Variants in SYN2 observed in about 807,000 individuals in gnomAD.
SYN2 encodes synapsin II.
Under a neutral mutation model 50.9 loss-of-function variants are expected in SYN2, and 19 were observed. The observed-to-expected ratio is 0.37, with a 90% confidence interval of 0.26 to 0.55. The LOEUF is 0.55. SYN2 is among the 20% of genes least tolerant of loss of function. The probability of loss-of-function intolerance (pLI) is 0.81; values close to 1 mark genes in which losing one functional copy is unlikely to be tolerated. For missense variants in SYN2, 587 were observed against 576.4 expected, an observed-to-expected ratio of 1.02 and a Z score of -0.19; for synonymous variants, 255 against 224.9, an observed-to-expected ratio of 1.13 and a Z score of -1.20.
At chr3:12,012,435 A>T (rs1288416493) in intron 1 of SYN2, among the ~76,000 whole-genome samples, 1 of 152,222 alleles carries the variant, frequency 6.6e-6, no homozygotes, top group Non-Finnish European at 1.5e-5. Context: ...TAAGCAAAAC[A>T]AAAGCATTCA....
rs563170766 is a variant in SYN2, at chr3:12,028,385, A to G, written c.377+23457A>G. On this transcript the variant is annotated intron_variant, in intron 1 of 12. Transcript: ENST00000621198. ...GCATGATTTATAGTCATTTGGGTAT[A>G]TACCCAGTAATGGGATGGCTGGGTC... 6.1e-4 allele frequency among the ~76,000 whole-genome samples: 90 copies of G among 147,876 alleles called. 1 individual carries two copies. In the South Asian group the frequency reaches 0.019, roughly 32 times the overall value.
intron 1 of SYN2, among the ~76,000 whole-genome samples, chr3:12,120,791 C>A (rs1425574135): frequency 6.6e-6 from 1 of 152,120 alleles, no homozygotes; most frequent in Non-Finnish European, 1.5e-5. Flanking sequence ...TATTTTATTT[C>A]CCAGTGTCTC....
rs1696993622 is a variant in SYN2 at position 12,140,585 on chromosome 3, A to G, written c.378-66A>G. ...GTCTGCTGTGGTCCTCTTCTTTGTAATAGTAAATGTCTGACTTTAAATACT... is the reference window on the plus strand; with the variant it reads ...GTCTGCTGTGGTCCTCTTCTTTGTAGTAGTAAATGTCTGACTTTAAATACT... On this transcript the variant is annotated intron_variant, in intron 1 of 12. Coordinates refer to ENST00000621198, the MANE Select transcript of SYN2 (RefSeq NM_133625.6). 3 of 719,006 alleles carry G rather than the reference A, an allele frequency of 4.2e-6. No individual in the cohort carries two copies. In the Admixed American group the frequency reaches 6.0e-5, roughly 14 times the overall value. The allele number at this position is 719,006 out of a possible 1,614,324, so 44.5% of individuals were successfully genotyped here.
chr3:12,083,553 G>A (rs759471232), intron 1 of SYN2, among the ~76,000 whole-genome samples: 9 of 152,210 alleles, frequency 5.9e-5, no homozygotes, highest in Non-Finnish European at 8.8e-5. Flanking sequence ...GACTTGGAAA[G>A]TCTTCAGGGT....
intron 1 of SYN2, among the ~76,000 whole-genome samples, chr3:12,019,586 G>A (rs1694088866): frequency 6.6e-6 from 1 of 152,124 alleles, no homozygotes; most frequent in African/African-American, 2.4e-5. Flanking sequence ...TTTTCCTGTA[G>A]CCTCCAGATA....
intron 1 of SYN2, among the ~76,000 whole-genome samples, chr3:12,087,657 G>A (rs912117693): frequency 2.6e-5 from 4 of 152,022 alleles, no homozygotes; most frequent in African/African-American, 9.7e-5. Context: ...GGAGGTTGAG[G>A]CGGGAGGATC....
chr3:12,186,183 G>A (rs979375440), intron 11 of SYN2, among the ~76,000 whole-genome samples: 1 of 150,746 alleles, frequency 6.6e-6, no homozygotes, highest in Non-Finnish European at 1.5e-5. Context: ...CTGAGTTTCT[G>A]TAAGTCCACT....
At chr3:12,088,868 G>C (rs1243166622) in intron 1 of SYN2, among the ~76,000 whole-genome samples, 1 of 152,144 alleles carries the variant, frequency 6.6e-6, no homozygotes, top group Non-Finnish European at 1.5e-5. Flanking sequence ...ATGATGACTA[G>C]GGGAAGTGGT....
chr3:12,035,073 G>A (rs1044311206), intron 1 of SYN2, among the ~76,000 whole-genome samples: 2 of 152,172 alleles, frequency 1.3e-5, no homozygotes, highest in African/African-American at 4.8e-5. Context: ...TAGGATAGAC[G>A]TTCCTATTAC....
chr3:12,026,073 T>G (rs1694252297), intron 1 of SYN2, among the ~76,000 whole-genome samples: 1 of 152,210 alleles, frequency 6.6e-6, no homozygotes, highest in Non-Finnish European at 1.5e-5. Flanking sequence ...TTTCCTTGTC[T>G]TGGCCCAGAT....
Position 12,145,777 on chromosome 3 carries a change from G to A in SYN2, c.626G>A (p.Gly209Asp). Residue 209 changes from glycine to aspartate, a missense_variant, in exon 4 of 13, where the codon GGC (glycine) becomes GAC (aspartate). Gly to Asp is a moderately conservative substitution (Grantham distance 94, BLOSUM62 -1). Transcript: ENST00000621198. ...RHLIIGMQYA[G>D]LPSINSLESI... ...CTGATCATTGGTATGCAGTATGCAG[G>A]CCTCCCCAGCATCAACTCACTGGAA... 2 of 1,614,002 alleles carry A rather than the reference G, an allele frequency of 1.2e-6. No homozygotes were observed. The highest frequency in any genetic ancestry group is 1.7e-6 in the Non-Finnish European group (2 of 1,179,886).
intron 7 of SYN2, among the ~76,000 whole-genome samples, chr3:12,166,125 G>T (rs1054092999): frequency 2.0e-5 from 3 of 152,094 alleles, no homozygotes; most frequent in Non-Finnish European, 4.4e-5. Context: ...TTAACTCATG[G>T]GGCCACCTCG....
chr3:12,093,469 C>T (rs1695869783), intron 1 of SYN2, among the ~76,000 whole-genome samples: 1 of 152,178 alleles, frequency 6.6e-6, no homozygotes, highest in South Asian at 2.1e-4. Context: ...GGGTCAGAGT[C>T]TGGGGCTTGT....
chr3:12,168,829 T>A (rs1697870604), intron 9 of SYN2, among the ~76,000 whole-genome samples: 1 of 138,894 alleles, frequency 7.2e-6, no homozygotes, highest in South Asian at 2.5e-4. Flanking sequence ...TGAATCAGTG[T>A]CTCAGCTGGG....
chr3:12,183,176 C>A, intron 10 of SYN2, 136 bp from the exon 11 acceptor site: 1 of 1,236,138 alleles, frequency 8.1e-7, no homozygotes, highest in Non-Finnish European at 1.1e-6. Flanking sequence ...GCAGCAGAAG[C>A]CTATGGCCAG....
At chr3:12,060,325 A>G (rs1297860797) in intron 1 of SYN2, among the ~76,000 whole-genome samples, 1 of 152,156 alleles carries the variant, frequency 6.6e-6, no homozygotes, top group Non-Finnish European at 1.5e-5. Context: ...ACCATTGTGA[A>G]ATACACCCGG....
intron 5 of SYN2, chr3:12,154,187 G>T: frequency 7.8e-7 from 1 of 1,288,996 alleles, no homozygotes. Flanking sequence ...AGGGCCTATA[G>T]ACTGTATTGC....
At chr3:12,168,965 G>A (rs1470599630) in intron 9 of SYN2, among the ~76,000 whole-genome samples, 1 of 152,204 alleles carries the variant, frequency 6.6e-6, no homozygotes, top group Non-Finnish European at 1.5e-5. Flanking sequence ...GTGGCAGTAT[G>A]AATCCTTCAC....
At chr3:12,059,367 A>T (rs1044881722) in intron 1 of SYN2, among the ~76,000 whole-genome samples, 1 of 152,014 alleles carries the variant, frequency 6.6e-6, no homozygotes, top group Non-Finnish European at 1.5e-5. Flanking sequence ...TCATAGGTGG[A>T]TTCAAACATT....
Sources: gnomAD v4.1 joint callset for allele counts (sites outside exome capture counted in the v4.1 genomes callset) on GRCh38, gnomAD v4.1.1 for gene constraint, MANE v1.5 for transcripts, NCBI Gene and HGNC (gene_info 2026-07-23, HGNC 2026-07-21) for gene names.